TOLLIP: variants seen among roughly 807,000 people sequenced by gnomAD.
The protein encoded by TOLLIP is toll-interacting protein.
A neutral mutation model predicts 33.5 loss-of-function variants in TOLLIP; 16 were observed. That is an observed-to-expected ratio of 0.48 (90% CI 0.32 to 0.72). The LOEUF (loss-of-function observed/expected upper bound fraction) is 0.72. Among genes scored for constraint, TOLLIP ranks in the 30% least tolerant of loss-of-function variants. The pLI, the probability that TOLLIP is intolerant of heterozygous loss-of-function variation, is 0.03. For synonymous variants in TOLLIP, 176 were observed against 163.7 expected, an observed-to-expected ratio of 1.07 and a Z score of -0.57; for missense variants, 325 against 396.6, an observed-to-expected ratio of 0.82 and a Z score of 1.53.
intron 2 of TOLLIP, among the ~76,000 whole-genome samples, chr11:1,291,426 G>A (rs1423337324): frequency 6.6e-6 from 1 of 151,728 alleles, no homozygotes; most frequent in Non-Finnish European, 1.5e-5. Flanking sequence ...CTTCCCAGTG[G>A]AACAGAGTCC....
chr11:1,307,752 T>G (rs1270909161), intron 1 of TOLLIP, among the ~76,000 whole-genome samples: 2 of 151,976 alleles, frequency 1.3e-5, no homozygotes, highest in Non-Finnish European at 2.9e-5. Context: ...GATGAAGAGG[T>G]AGAGACGCTG....
At position 1,290,053 on chromosome 11, in the gene TOLLIP, CCT is replaced by C; in HGVS notation, c.366+172_366+173del. ...TATGTTCAAGGAGCTGGAAACAATC[CCT>C]TTTTCACATTCCTTGGGGAGAGCAG... is the stretch of plus-strand genomic sequence containing the variant. On this transcript the variant is annotated intron_variant, in intron 3 of 5. Transcript: ENST00000317204. The surrounding 1 kb of genome is among the most constrained non-coding windows in gnomAD (Gnocchi z 4.9). 1 of 619,130 alleles carries C rather than the reference CCT, an allele frequency of 1.6e-6. No individual in the cohort carries two copies. Among genetic ancestry groups the C allele is most frequent in the East Asian group, 2.8e-5 (1 of 36,054 alleles). The allele number at this position is 619,130 out of a possible 1,614,324, so 38.4% of individuals were successfully genotyped here. A position where few individuals can be genotyped will look rare whatever the true frequency, so the allele number is the denominator to read the frequency against.
Position 1,277,477 on chromosome 11 carries a change from G to A in TOLLIP, c.611-224C>T, listed in dbSNP as rs556942702. Reference sequence around the variant, plus strand: ...GAAGGTGGGCAGGGCCCTCTGTGACGCCTCCTTCACTAACTCATCTTCCTT... The same window carrying A: ...GAAGGTGGGCAGGGCCCTCTGTGACACCTCCTTCACTAACTCATCTTCCTT... On this transcript the variant is annotated intron_variant, in intron 5 of 5. Coordinates refer to ENST00000317204, the MANE Select transcript of TOLLIP (RefSeq NM_019009.4). The surrounding 1 kb of genome is among the most constrained non-coding windows in gnomAD (Gnocchi z 4.2). Among the ~76,000 whole-genome samples the A allele has an allele frequency of 5.9e-5, 9 of 152,164 alleles. No homozygotes were observed. The highest frequency in any genetic ancestry group is 3.9e-4 in the East Asian group (2 of 5,188).
At chr11:1,279,262 G>A (rs1454863266) in intron 5 of TOLLIP, among the ~76,000 whole-genome samples, 3 of 152,234 alleles carry the variant, frequency 2.0e-5, no homozygotes, top group Admixed American at 6.5e-5. Flanking sequence ...AGGCACCCCC[G>A]GGGGAAGAGG....
At chr11:1,297,101 G>A (rs1864135118) in intron 1 of TOLLIP, among the ~76,000 whole-genome samples, 1 of 152,140 alleles carries the variant, frequency 6.6e-6, no homozygotes, top group African/African-American at 2.4e-5. Flanking sequence ...CTGGGCAGTT[G>A]TTTTCAGGAA....
intron 1 of TOLLIP, chr11:1,305,891 A>C (rs1026952859): frequency 6.6e-6 from 1 of 151,812 alleles, no homozygotes. Flanking sequence ...ACGTCCCGAG[A>C]TCTCACTGCA....
At position 1,278,879 on chromosome 11, in the gene TOLLIP, T is replaced by C. The variant is rs1019469849; in HGVS notation, c.611-1626A>G. ...GGACCCCTGGGATCCCCGTGGCTTTTTGGGCGCCCCGGCTGGCAGGCGGGC... is the reference window on the plus strand; with the variant it reads ...GGACCCCTGGGATCCCCGTGGCTTTCTGGGCGCCCCGGCTGGCAGGCGGGC... On this transcript the variant is annotated intron_variant, in intron 5 of 5. Coordinates refer to ENST00000317204, the MANE Select transcript of TOLLIP (RefSeq NM_019009.4). The surrounding 1 kb of genome is among the most constrained non-coding windows in gnomAD (Gnocchi z 4.7). Among the ~76,000 whole-genome samples the C allele has an allele frequency of 1.3e-5, 2 of 152,190 alleles. No homozygotes were observed. The highest frequency in any genetic ancestry group is 6.5e-5 in the Admixed American group (1 of 15,292).
chr11:1,305,279 G>C (rs572030590), intron 1 of TOLLIP, among the ~76,000 whole-genome samples: 1 of 152,234 alleles, frequency 6.6e-6, no homozygotes, highest in African/African-American at 2.4e-5. Flanking sequence ...CGGTGAGTGC[G>C]TTCCCCGCTG....
At chr11:1,288,807 C>T in intron 3 of TOLLIP, 31 bp from the exon 4 acceptor site, 3 of 1,602,790 alleles carry the variant, frequency 1.9e-6, no homozygotes, top group Non-Finnish European at 2.6e-6. Flanking sequence ...AGGCCCCAGG[C>T]ATCAGGGAAG....
chr11:1,284,472 CCGAGCAG>C (rs1345770017), intron 5 of TOLLIP, among the ~76,000 whole-genome samples: 2 of 152,162 alleles, frequency 1.3e-5, no homozygotes, highest in Admixed American at 1.3e-4. Flanking sequence ...CCTCAGCCTC[CCGAGCAG>C]CTGGGACTAC....
intron 5 of TOLLIP, among the ~76,000 whole-genome samples, chr11:1,281,291 C>A (rs1190603030): frequency 1.3e-5 from 2 of 152,200 alleles, no homozygotes; most frequent in Admixed American, 6.5e-5. Flanking sequence ...CTCACTGATG[C>A]GGTCACACTT....
chr11:1,303,570 C>T lies in TOLLIP; in HGVS notation c.33+5896G>A. Among the ~76,000 whole-genome samples, 2 of 152,194 alleles carry T rather than the reference C, an allele frequency of 1.3e-5. No individual in the cohort carries two copies. Among genetic ancestry groups the T allele is most frequent in the South Asian group, 2.1e-4 (1 of 4,838 alleles). ...AAAGAAACAGGGCAAGGCCGGGTGG[C>T]AGGGGCACGCTGCACTTCCCACAGG... On this transcript the variant is annotated intron_variant, in intron 1 of 5. Coordinates refer to ENST00000317204, the MANE Select transcript of TOLLIP (RefSeq NM_019009.4). This position sits in a 1 kb window ranked among gnomAD's most constrained non-coding sequence, Gnocchi z 4.2.
chr11:1,281,975 T>C (rs1298283052), intron 5 of TOLLIP, among the ~76,000 whole-genome samples: 1 of 152,204 alleles, frequency 6.6e-6, no homozygotes, highest in African/African-American at 2.4e-5. Flanking sequence ...GCCGGGAGGA[T>C]GGGCTGTGAT....
At position 1,278,342 on chromosome 11, in the gene TOLLIP, A is replaced by G. The variant is rs556829531; in HGVS notation, c.611-1089T>C. Among the ~76,000 whole-genome samples the G allele has an allele frequency of 2.0e-5, 3 of 152,274 alleles. No individual in the cohort carries two copies. Among genetic ancestry groups the G allele is most frequent in the African/African-American group, 4.8e-5 (2 of 41,554 alleles). ...CCTTTAAAAGCACGAACCATCTCCC[A>G]GCTAGGATCACTGGAGCGCTAGAGC... On this transcript the variant is annotated intron_variant, in intron 5 of 5. Coordinates refer to ENST00000317204, the MANE Select transcript of TOLLIP (RefSeq NM_019009.4). The surrounding 1 kb of genome is among the most constrained non-coding windows in gnomAD (Gnocchi z 4.7).
intron 1 of TOLLIP, among the ~76,000 whole-genome samples, chr11:1,306,732 C>T (rs933854577): frequency 3.9e-5 from 6 of 152,122 alleles, no homozygotes; most frequent in African/African-American, 1.2e-4. Flanking sequence ...CAGAGTGCTG[C>T]GCTGAGCCGG....
chr11:1,304,026 C>A (rs1229285831), intron 1 of TOLLIP, among the ~76,000 whole-genome samples: 1 of 146,348 alleles, frequency 6.8e-6, no homozygotes, highest in Non-Finnish European at 1.5e-5. Flanking sequence ...ACAGAGCGAG[C>A]CTCCATGTAA....
rs1863241521 is a variant in TOLLIP, at chr11:1,275,004, C to T, written c.*2035G>A. The T allele has an allele frequency of 6.6e-6, 1 of 152,202 alleles. No homozygotes were observed. Among genetic ancestry groups the T allele is most frequent in the Non-Finnish European group, 1.5e-5 (1 of 68,034 alleles). The allele number at this position is 152,202 out of a possible 1,614,324, so 9.4% of individuals were successfully genotyped here. On this transcript the variant is annotated 3_prime_UTR_variant, in exon 6 of 6. Transcript: ENST00000317204. ...AGCATAAAATGAAGGAAAGAAGAAT[C>T]TTATTTAATTAAAGGCCTTGCAAAA... is the stretch of plus-strand genomic sequence containing the variant.
At chr11:1,279,804 C>T (rs1863435982) in intron 5 of TOLLIP, among the ~76,000 whole-genome samples, 1 of 152,230 alleles carries the variant, frequency 6.6e-6, no homozygotes, top group African/African-American at 2.4e-5. Flanking sequence ...CGAGAAGGCC[C>T]TGATCTCAGA....
In TOLLIP at chr11:1,278,407, G is replaced by A. The variant is rs148251270; in HGVS notation, c.611-1154C>T. 2.2e-3 allele frequency among the ~76,000 whole-genome samples: 335 copies of A among 152,292 alleles called. 5 individuals are homozygous for A. Among genetic ancestry groups the A allele is most frequent in the African/African-American group, 7.6e-3 (318 of 41,570 alleles). ...AGGACTTTTGTTCCTTTCTACACTTGGAGGATCCTAAAGGCAGCAGAAGCC... is the reference window on the plus strand; with the variant it reads ...AGGACTTTTGTTCCTTTCTACACTTAGAGGATCCTAAAGGCAGCAGAAGCC... On this transcript the variant is annotated intron_variant, in intron 5 of 5. Transcript: ENST00000317204. The surrounding 1 kb of genome is among the most constrained non-coding windows in gnomAD (Gnocchi z 4.7).
Sources: allele counts gnomAD v4.1 joint callset (sites outside exome capture counted in the v4.1 genomes callset), GRCh38; gene constraint gnomAD v4.1.1; non-coding constraint Gnocchi (gnomAD v3.1); transcripts MANE v1.5; gene names NCBI Gene and HGNC (gene_info 2026-07-23, HGNC 2026-07-21).